GRIK1: variants seen among roughly 807,000 people sequenced by gnomAD.
GRIK1 encodes the protein glutamate ionotropic receptor kainate type subunit 1.
Under a neutral mutation model 105.7 loss-of-function variants are expected in GRIK1, and 69 were observed. The ratio of observed to expected loss-of-function variants is 0.65; its 90% confidence interval spans 0.54 to 0.80. The LOEUF is 0.80. Among genes scored for constraint, GRIK1 ranks in the 30% least tolerant of loss-of-function variants. The probability of loss-of-function intolerance (pLI) is 0.00; values close to 1 mark genes in which losing one functional copy is unlikely to be tolerated. For missense variants in GRIK1, 1,109 were observed against 1,167.3 expected, an observed-to-expected ratio of 0.95 and a Z score of 0.73; for synonymous variants, 438 against 431.3, an observed-to-expected ratio of 1.02 and a Z score of -0.19.
At chr21:29,538,061 A>G (rs116131076) in intron 16 of GRIK1, among the ~76,000 whole-genome samples, 177 bp from the exon 17 acceptor site, 2,015 of 152,316 alleles carry the variant, frequency 0.013, 31 homozygotes, top group African/African-American at 0.046. Flanking sequence ...AATTATGATT[A>G]AAAAATGTTC....
chr21:29,670,024 G>A (rs363557), intron 4 of GRIK1, among the ~76,000 whole-genome samples: 1 of 152,152 alleles, frequency 6.6e-6, no homozygotes, highest in Non-Finnish European at 1.5e-5. Flanking sequence ...AGCCTCTGGA[G>A]GTTCCAATGA....
chr21:29,734,460 G>A (rs1208331450), intron 1 of GRIK1, among the ~76,000 whole-genome samples: 1 of 149,476 alleles, frequency 6.7e-6, no homozygotes, highest in Non-Finnish European at 1.5e-5. Context: ...CCAGGGTGGA[G>A]TGCAGTGGCA....
At chr21:29,598,211 T>C (rs542930471) in intron 8 of GRIK1, among the ~76,000 whole-genome samples, 37 of 152,362 alleles carry the variant, frequency 2.4e-4, no homozygotes, top group Admixed American at 5.9e-4. Flanking sequence ...ATAGTTTACA[T>C]TGGAATTACT....
chr21:29,905,241 G>A (rs898265940), intron 1 of GRIK1, among the ~76,000 whole-genome samples: 6 of 151,962 alleles, frequency 3.9e-5, no homozygotes, highest in Non-Finnish European at 8.8e-5. Flanking sequence ...ATCTGAAATC[G>A]TCTGTTACCC....
At chr21:29,883,686 T>C (rs555653063) in intron 1 of GRIK1, among the ~76,000 whole-genome samples, 2 of 152,156 alleles carry the variant, frequency 1.3e-5, no homozygotes, top group African/African-American at 4.8e-5. Flanking sequence ...CCTGTGACAT[T>C]CTGAATGGGA....
At chr21:29,777,505 G>T (rs138590720) in intron 1 of GRIK1, among the ~76,000 whole-genome samples, 1 of 152,272 alleles carries the variant, frequency 6.6e-6, no homozygotes, top group African/African-American at 2.4e-5. Flanking sequence ...AGAGGGTTTG[G>T]GGTATGGATA....
intron 1 of GRIK1, among the ~76,000 whole-genome samples, chr21:29,701,169 A>G (rs1316363973): frequency 1.3e-5 from 2 of 152,194 alleles, no homozygotes; most frequent in South Asian, 4.1e-4. Context: ...AGATGCCTAG[A>G]CAGATACTGT....
intron 9 of GRIK1, 55 bp from the exon 10 acceptor site, chr21:29,591,280 CAA>C (rs1484301332): frequency 3.1e-6 from 3 of 981,876 alleles, no homozygotes; most frequent in Non-Finnish European, 5.0e-6. Flanking sequence ...GCATTTACAC[CAA>C]AGAGAGGCCC....
intron 1 of GRIK1, among the ~76,000 whole-genome samples, chr21:29,834,874 T>C (rs2067743170): frequency 6.6e-6 from 1 of 151,024 alleles, no homozygotes; most frequent in African/African-American, 2.4e-5. Flanking sequence ...ATTTATTCAA[T>C]ATTAATTAAT....
chr21:29,804,222 G>T (rs1227667537), intron 1 of GRIK1, among the ~76,000 whole-genome samples: 1 of 152,050 alleles, frequency 6.6e-6, no homozygotes, highest in Non-Finnish European at 1.5e-5. Flanking sequence ...TCAAAGAAAA[G>T]TGTCTAAAAC....
At chr21:29,844,555 ACTGCAAATC>A (rs1269835744) in intron 1 of GRIK1, among the ~76,000 whole-genome samples, 2 of 152,240 alleles carry the variant, frequency 1.3e-5, no homozygotes, top group Admixed American at 6.5e-5. Context: ...CTAATCAACT[ACTGCAAATC>A]CCTTCTGATT....
chr21:29,770,160 G>T (rs1357506332), intron 1 of GRIK1, among the ~76,000 whole-genome samples: 4 of 152,134 alleles, frequency 2.6e-5, no homozygotes, highest in Non-Finnish European at 5.9e-5. Flanking sequence ...TGACTTTTCT[G>T]GAATGGCTAG....
At chr21:29,783,921 C>T (rs914788463) in intron 1 of GRIK1, among the ~76,000 whole-genome samples, 3 of 152,124 alleles carry the variant, frequency 2.0e-5, no homozygotes, top group Admixed American at 2.0e-4. Flanking sequence ...TGAGCCCCGA[C>T]TGTTGTTTTT....
chr21:29,919,133 T>A (rs2071103975), intron 1 of GRIK1, among the ~76,000 whole-genome samples: 1 of 151,894 alleles, frequency 6.6e-6, no homozygotes, highest in South Asian at 2.1e-4. Flanking sequence ...AGCCACAACA[T>A]CTCACATGAA....
At chr21:29,721,677 G>A (rs138390207) in intron 1 of GRIK1, among the ~76,000 whole-genome samples, 2,911 of 152,030 alleles carry the variant, frequency 0.019, 80 homozygotes, top group Non-Finnish European at 0.025. Context: ...AAATACACAA[G>A]CAAACAAAAA....
chr21:29,759,370 G>T (rs2268210), intron 1 of GRIK1, among the ~76,000 whole-genome samples: 11,789 of 152,016 alleles, frequency 0.078, 1,228 homozygotes, highest in African/African-American at 0.23. Context: ...CGCCCGCCTC[G>T]GCCTCCTAAA....
chr21:29,675,968 T>C (rs956862854), intron 3 of GRIK1, among the ~76,000 whole-genome samples: 5 of 152,152 alleles, frequency 3.3e-5, no homozygotes, highest in Non-Finnish European at 7.3e-5. Context: ...TACATAGCTA[T>C]ATAAGTAACA....
At chr21:29,645,985 C>G (rs2062609159) in intron 6 of GRIK1, among the ~76,000 whole-genome samples, 1 of 152,164 alleles carries the variant, frequency 6.6e-6, no homozygotes, top group South Asian at 2.1e-4. Flanking sequence ...GTACTCAGAC[C>G]TTGCACATTC....
chr21:29,580,814 C>T (rs559874137), intron 13 of GRIK1, among the ~76,000 whole-genome samples: 3 of 152,158 alleles, frequency 2.0e-5, no homozygotes, highest in East Asian at 3.9e-4. Context: ...GCTCCCCCTT[C>T]CCCCACTACA....
Sources: gnomAD v4.1 joint callset for allele counts (sites outside exome capture counted in the v4.1 genomes callset) on GRCh38, gnomAD v4.1.1 for gene constraint, MANE v1.5 for transcripts, NCBI Gene and HGNC (gene_info 2026-07-23, HGNC 2026-07-21) for gene names.